IGF2BP3: variants seen among roughly 807,000 people sequenced by gnomAD.
IGF2BP3 encodes the protein insulin-like growth factor 2 mRNA-binding protein 3.
In IGF2BP3, 9 loss-of-function variants were observed where a neutral mutation model predicts 73.8. That is an observed-to-expected ratio of 0.12 (90% CI 0.07 to 0.21). The LOEUF (loss-of-function observed/expected upper bound fraction) is 0.21, where lower values mean the gene tolerates loss of function less well. Among genes scored for constraint, IGF2BP3 ranks in the 10% least tolerant of loss-of-function variants. IGF2BP3 has a pLI of 1.00. For missense variants in IGF2BP3, 542 were observed against 714.0 expected, an observed-to-expected ratio of 0.76 and a Z score of 2.75; for synonymous variants, 258 against 256.7, an observed-to-expected ratio of 1.01 and a Z score of -0.05.
chr7:23,466,177 C>A lies in IGF2BP3; in HGVS notation c.236+2305G>T, dbSNP rs191341223. Among the ~76,000 whole-genome samples the A allele has an allele frequency of 1.2e-4, 19 of 152,220 alleles. No homozygotes were observed. The East Asian group carries it at 3.5e-3, about 28-fold the overall frequency. ...GGGTGGGATTACAGGCACCTGCTACCATGCCCAGCTAATTTTTGTATTTTT... is the reference window on the plus strand; with the variant it reads ...GGGTGGGATTACAGGCACCTGCTACAATGCCCAGCTAATTTTTGTATTTTT... On this transcript the variant is annotated intron_variant, in intron 2 of 14. Transcript: ENST00000258729.
chr7:23,405,665 G>A lies in IGF2BP3; in HGVS notation c.285+13111C>T, dbSNP rs528672071. Among the ~76,000 whole-genome samples the A allele has an allele frequency of 5.3e-5, 8 of 152,312 alleles. No homozygotes were observed. In the East Asian group the frequency reaches 5.8e-4, roughly 11 times the overall value. On this transcript the variant is annotated intron_variant, in intron 3 of 14. Coordinates refer to ENST00000258729, the MANE Select transcript of IGF2BP3 (RefSeq NM_006547.3). Reference sequence around the variant, plus strand: ...GCGTACCCTATTGTGAACTGCGCACGCGAGGGATCTAGGTTGCATACTCCT... The same window carrying A: ...GCGTACCCTATTGTGAACTGCGCACACGAGGGATCTAGGTTGCATACTCCT...
At chr7:23,329,070 G>A (rs1459537118) in intron 10 of IGF2BP3, among the ~76,000 whole-genome samples, 2 of 152,012 alleles carry the variant, frequency 1.3e-5, no homozygotes, top group African/African-American at 2.4e-5. Context: ...AAAATTAGCT[G>A]GGTGTGGTGG....
intron 3 of IGF2BP3, among the ~76,000 whole-genome samples, chr7:23,373,483 G>C (rs1785620257): frequency 6.6e-6 from 1 of 151,986 alleles, no homozygotes; most frequent in African/African-American, 2.4e-5. Context: ...CATTAGAATG[G>C]CCATAATTTT....
chr7:23,342,856 C>G (rs949107250), intron 9 of IGF2BP3, among the ~76,000 whole-genome samples: 6 of 152,086 alleles, frequency 3.9e-5, no homozygotes, highest in Admixed American at 6.6e-5. Flanking sequence ...CCAGTTGATT[C>G]CAGAACATTT....
chr7:23,369,307 G>T (rs1029968125), intron 3 of IGF2BP3, among the ~76,000 whole-genome samples: 7 of 152,076 alleles, frequency 4.6e-5, no homozygotes, highest in African/African-American at 1.7e-4. Flanking sequence ...ATCAGATTGA[G>T]CCCTGGTGTC....
intron 3 of IGF2BP3, among the ~76,000 whole-genome samples, chr7:23,380,857 T>C (rs1376195621): frequency 1.3e-5 from 2 of 152,174 alleles, no homozygotes; most frequent in African/African-American, 2.4e-5. Context: ...TAGGAGGAAG[T>C]CTTGCCAGCA....
intron 2 of IGF2BP3, among the ~76,000 whole-genome samples, chr7:23,447,625 G>GA (rs928086621): frequency 1.1e-4 from 16 of 151,142 alleles, no homozygotes; most frequent in East Asian, 5.8e-4. Flanking sequence ...CTCTGTCTCA[G>GA]AAAAAAACAA....
intron 2 of IGF2BP3, among the ~76,000 whole-genome samples, chr7:23,426,271 G>T (rs577453497): frequency 7.3e-6 from 1 of 136,216 alleles, no homozygotes; most frequent in Admixed American, 8.3e-5. Context: ...AGCAAGCTGA[G>T]ACCGTGCCAT....
In IGF2BP3 at chr7:23,334,372, T is replaced by C. The variant is rs145764620; in HGVS notation, c.1203+7692A>G. On this transcript the variant is annotated intron_variant, in intron 10 of 14. Transcript: ENST00000258729. ...AGAAATCGAGACTAAAATAAGCCTA[T>C]GCTAGAACAAGCCTGTGTCAGGATT... Among the ~76,000 whole-genome samples, 414 of 152,238 alleles carry C rather than the reference T, an allele frequency of 2.7e-3. 8 individuals carry two copies. Among genetic ancestry groups the C allele is most frequent in the East Asian group, 0.014 (72 of 5,176 alleles).
intron 2 of IGF2BP3, among the ~76,000 whole-genome samples, chr7:23,426,994 C>T (rs1787530207): frequency 6.6e-6 from 1 of 152,202 alleles, no homozygotes; most frequent in Admixed American, 6.5e-5. Flanking sequence ...TTTATTCTTT[C>T]CCTTCTGCAG....
intron 2 of IGF2BP3, among the ~76,000 whole-genome samples, chr7:23,455,240 A>C (rs1411417539): frequency 6.6e-6 from 1 of 152,198 alleles, no homozygotes; most frequent in Non-Finnish European, 1.5e-5. Context: ...AGGCTGCTCC[A>C]GCTGCCCTCT....
At position 23,317,198 on chromosome 7, in the gene IGF2BP3, C is replaced by G. The variant is rs140361303; in HGVS notation, c.1395+441G>C. ...CTCCTGCCATTCCTATCTCTAAGAT[C>G]CCAGGGATTAGAGAGATTTGTAGAG... On this transcript the variant is annotated intron_variant, in intron 12 of 14. Transcript: ENST00000258729. 1.9e-4 allele frequency among the ~76,000 whole-genome samples: 29 copies of G among 152,278 alleles called. No individual in the cohort carries two copies. In the East Asian group the frequency reaches 4.6e-3, roughly 24 times the overall value.
At chr7:23,379,214 G>T (rs1189540445) in intron 3 of IGF2BP3, among the ~76,000 whole-genome samples, 1 of 152,156 alleles carries the variant, frequency 6.6e-6, no homozygotes, top group East Asian at 1.9e-4. Flanking sequence ...GGTGGAGCAG[G>T]TAGTTCTACA....
At chr7:23,401,953 C>T (rs1438432771) in intron 3 of IGF2BP3, among the ~76,000 whole-genome samples, 1 of 151,976 alleles carries the variant, frequency 6.6e-6, no homozygotes, top group African/African-American at 2.4e-5. Flanking sequence ...CCCATCTCTA[C>T]TAAAATTACG....
chr7:23,417,948 C>A (rs1477395840), intron 3 of IGF2BP3, among the ~76,000 whole-genome samples: 1 of 152,206 alleles, frequency 6.6e-6, no homozygotes, highest in African/African-American at 2.4e-5. Context: ...CAGCACAAAT[C>A]ACCTGTGACC....
intron 14 of IGF2BP3, 69 bp from the exon 15 acceptor site, chr7:23,312,529 T>A: frequency 9.0e-7 from 1 of 1,106,002 alleles, no homozygotes; most frequent in Non-Finnish European, 1.4e-6. Context: ...ACTCCTTCAT[T>A]TCAACAATTT....
chr7:23,447,752 C>G (rs1788100214), intron 2 of IGF2BP3, among the ~76,000 whole-genome samples: 1 of 151,982 alleles, frequency 6.6e-6, no homozygotes, highest in Non-Finnish European at 1.5e-5. Context: ...ATTTGGCAGG[C>G]AGATCTACCT....
intron 2 of IGF2BP3, among the ~76,000 whole-genome samples, chr7:23,439,696 A>G (rs1456568323): frequency 6.6e-6 from 1 of 152,202 alleles, no homozygotes; most frequent in Non-Finnish European, 1.5e-5. Flanking sequence ...CCAATCTCAC[A>G]GAGGATACAA....
At chr7:23,353,953 C>G (rs1254272867) in intron 5 of IGF2BP3, among the ~76,000 whole-genome samples, 3 of 152,172 alleles carry the variant, frequency 2.0e-5, no homozygotes, top group African/African-American at 7.2e-5. Context: ...GTTGGAGATG[C>G]AGAAGAGTCA....
Sources: allele counts gnomAD v4.1 joint callset (sites outside exome capture counted in the v4.1 genomes callset), GRCh38; gene constraint gnomAD v4.1.1; transcripts MANE v1.5; gene names NCBI Gene and HGNC (gene_info 2026-07-23, HGNC 2026-07-21).